KCNH7: variants seen among roughly 807,000 people sequenced by gnomAD.
KCNH7 encodes the protein potassium voltage-gated channel subfamily H member 7.
In KCNH7, 49 loss-of-function variants were observed where a neutral mutation model predicts 120.8. The ratio of observed to expected loss-of-function variants is 0.41; its 90% CI spans 0.32 to 0.51. The LOEUF (loss-of-function observed/expected upper bound fraction) is 0.51, where lower values mean the gene tolerates loss of function less well. Among genes scored for constraint, KCNH7 ranks in the 20% least tolerant of loss-of-function variants. KCNH7 has a pLI of 0.38. For synonymous variants in KCNH7, 547 were observed against 516.1 expected (o/e 1.06, Z -0.81); for missense variants, 1,097 against 1,446.6 (o/e 0.76, Z 3.92).
intron 2 of KCNH7, among the ~76,000 whole-genome samples, chr2:162,565,489 A>C (rs1574108533): frequency 6.6e-6 from 1 of 152,238 alleles, no homozygotes; most frequent in East Asian, 1.9e-4. Context: ...GAAGTACCAA[A>C]GGATGACAGT....
rs546022297 is a variant in KCNH7 at position 162,669,075 on chromosome 2, G to T, written c.308-131995C>A. 7.2e-5 allele frequency among the ~76,000 whole-genome samples: 11 copies of T among 152,208 alleles called. 1 individual carries two copies. In the South Asian group the frequency reaches 2.1e-3, roughly 29 times the overall value. ...TCTGAAAGAGCTTAAGAATTATAGA[G>T]GATAGAGTGAGAAGTTATATGTTCA... On this transcript the variant is annotated intron_variant, in intron 2 of 15. Transcript: ENST00000332142.
In KCNH7 at chr2:162,741,229, A is replaced by G. The variant is rs1688118570; in HGVS notation, c.307+95308T>C. ...ATATTAATAACATGTTATTAGTTAT[A>G]CATATTAATAACATATGTTATTAGT... On this transcript the variant is annotated intron_variant, in intron 2 of 15. Transcript: ENST00000332142. Among the ~76,000 whole-genome samples the G allele has an allele frequency of 2.0e-5, 3 of 149,680 alleles. No homozygotes were observed. In the Admixed American group the frequency reaches 2.0e-4, roughly 10 times the overall value.
intron 2 of KCNH7, 147 bp downstream of exon 2, chr2:162,836,390 C>T: frequency 1.6e-6 from 1 of 636,086 alleles, no homozygotes. Flanking sequence ...AATCAGAATA[C>T]CCATATATGT....
chr2:162,437,858 C>T (rs1273575089), intron 7 of KCNH7, among the ~76,000 whole-genome samples: 2 of 152,128 alleles, frequency 1.3e-5, no homozygotes, highest in African/African-American at 2.4e-5. Flanking sequence ...TCCGTACTGG[C>T]CTTGCAGCTC....
At chr2:162,654,985 G>T (rs1684695070) in intron 2 of KCNH7, among the ~76,000 whole-genome samples, 2 of 152,100 alleles carry the variant, frequency 1.3e-5, no homozygotes, top group South Asian at 4.1e-4. Context: ...GGGAAGGGGA[G>T]GAGCAGGATT....
intron 3 of KCNH7, among the ~76,000 whole-genome samples, chr2:162,536,000 C>T (rs1185713136): frequency 6.6e-6 from 1 of 151,740 alleles, no homozygotes; most frequent in Non-Finnish European, 1.5e-5. Flanking sequence ...CTGCACTATA[C>T]ACCAAAATAA....
At position 162,695,088 on chromosome 2, in the gene KCNH7, T is replaced by C. The variant is rs1686243838; in HGVS notation, c.307+141449A>G. Among the ~76,000 whole-genome samples, 3 of 152,082 alleles carry C rather than the reference T, an allele frequency of 2.0e-5. No homozygotes were observed. The South Asian group carries it at 6.2e-4, about 32-fold the overall frequency. On this transcript the variant is annotated intron_variant, in intron 2 of 15. Transcript: ENST00000332142. ...GCCTAGAAACCTGTACTTTTTAAAG[T>C]CATTATTTTCTCAATTAGTGGAGAA...
At chr2:162,796,599 T>C (rs1684156350) in intron 2 of KCNH7, 1 of 152,110 alleles carries the variant, frequency 6.6e-6, no homozygotes, top group South Asian at 2.1e-4. Flanking sequence ...ATATGTGATA[T>C]CATTACACAT....
chr2:162,545,172 G>T (rs1452754095), intron 2 of KCNH7, among the ~76,000 whole-genome samples: 1 of 152,170 alleles, frequency 6.6e-6, no homozygotes, highest in South Asian at 2.1e-4. Flanking sequence ...GAAAGGGCTT[G>T]CCGTAATTAA....
intron 2 of KCNH7, among the ~76,000 whole-genome samples, chr2:162,562,136 C>T (rs1328947566): frequency 1.3e-5 from 2 of 152,046 alleles, no homozygotes; most frequent in East Asian, 3.9e-4. Flanking sequence ...GTGCAGCAAA[C>T]CACCATGGCA....
chr2:162,809,110 T>A lies in KCNH7; in HGVS notation c.307+27427A>T, dbSNP rs1046042990. Reference sequence around the variant, plus strand: ...CAAGATTCTTCAACTGAGAGTTGGTTTGACTTAAGATAATTATTTTCATTG... The same window carrying A: ...CAAGATTCTTCAACTGAGAGTTGGTATGACTTAAGATAATTATTTTCATTG... On this transcript the variant is annotated intron_variant, in intron 2 of 15. Coordinates refer to ENST00000332142, the MANE Select transcript of KCNH7 (RefSeq NM_033272.4). Among the ~76,000 whole-genome samples the A allele has an allele frequency of 3.9e-5, 6 of 152,314 alleles. No homozygotes were observed. In the South Asian group the frequency reaches 1.2e-3, roughly 32 times the overall value.
chr2:162,809,461 C>T (rs1684657140), intron 2 of KCNH7, among the ~76,000 whole-genome samples: 1 of 152,068 alleles, frequency 6.6e-6, no homozygotes, highest in African/African-American at 2.4e-5. Context: ...GAGTAATATC[C>T]AAGCTCTATT....
At chr2:162,784,286 T>C (rs1394802680) in intron 2 of KCNH7, among the ~76,000 whole-genome samples, 2 of 152,168 alleles carry the variant, frequency 1.3e-5, no homozygotes, top group Non-Finnish European at 2.9e-5. Context: ...GACCATCCTG[T>C]GGGCTGCTTT....
chr2:162,455,510 T>G (rs780485287), intron 6 of KCNH7, among the ~76,000 whole-genome samples: 8 of 152,246 alleles, frequency 5.3e-5, no homozygotes, highest in African/African-American at 9.6e-5. Context: ...TCAGAAGGAA[T>G]AGTACCAGCT....
intron 2 of KCNH7, among the ~76,000 whole-genome samples, chr2:162,810,419 G>A (rs55918812): frequency 0.026 from 3,996 of 152,218 alleles, 160 homozygotes; most frequent in African/African-American, 0.089. Context: ...CAGAAATTCC[G>A]TCAGGAATTT....
intron 2 of KCNH7, among the ~76,000 whole-genome samples, chr2:162,723,230 A>G (rs1687393738): frequency 6.6e-6 from 1 of 151,938 alleles, no homozygotes; most frequent in Non-Finnish European, 1.5e-5. Flanking sequence ...CATATTAGTA[A>G]AAAAAACCAC....
intron 2 of KCNH7, among the ~76,000 whole-genome samples, chr2:162,802,705 TACA>T: frequency 6.6e-6 from 1 of 151,862 alleles, no homozygotes; most frequent in East Asian, 1.9e-4. Flanking sequence ...TGTAACAATA[TACA>T]GTAATTATTA....
intron 6 of KCNH7, among the ~76,000 whole-genome samples, chr2:162,488,254 C>T (rs1690169110): frequency 1.3e-5 from 2 of 152,178 alleles, no homozygotes; most frequent in Admixed American, 6.5e-5. Context: ...CCTCTTCTGA[C>T]CATTTGTATT....
intron 2 of KCNH7, among the ~76,000 whole-genome samples, chr2:162,735,861 G>A (rs553533155): frequency 1.7e-4 from 26 of 152,238 alleles, no homozygotes; most frequent in South Asian, 6.2e-4. Flanking sequence ...AGAACAGCCC[G>A]TCAAGCTGTG....
Sources: allele counts gnomAD v4.1 joint callset (sites outside exome capture counted in the v4.1 genomes callset), GRCh38; gene constraint gnomAD v4.1.1; transcripts MANE v1.5; gene names NCBI Gene and HGNC (gene_info 2026-07-23, HGNC 2026-07-21).